Variants in ZNF723 observed in about 807,000 individuals in gnomAD.
ZNF723 encodes zinc finger protein 723, pseudogene.
Under a neutral mutation model 9.4 loss-of-function variants are expected in ZNF723, and 5 were observed. That is an observed-to-expected ratio of 0.53 (90% CI 0.28 to 1.12). ZNF723 has a LOEUF of 1.12. ZNF723 is among the 50% of genes most tolerant of loss of function. The pLI is 0.10. For missense variants in ZNF723, 450 were observed against 501.5 expected, an observed-to-expected ratio of 0.90 and a Z score of 0.98; for synonymous variants, 158 against 168.8, an observed-to-expected ratio of 0.94 and a Z score of 0.49.
chr19:22,823,437 C>T, the ZNF723 span, among the ~76,000 whole-genome samples: 3 of 152,140 alleles, frequency 2.0e-5, no homozygotes, highest in East Asian at 5.8e-4. Context: ...TTCAACACAC[C>T]GGTGAGGCTG....
At chr19:22,831,947 C>A (rs956379026), upstream of ZNF723, among the ~76,000 whole-genome samples, 1 of 152,206 alleles carries the variant, frequency 6.6e-6, no homozygotes, top group Admixed American at 6.5e-5. Context: ...CTTAGGCTGC[C>A]TCTTTAAAGA....
intron 1 of ZNF723, among the ~76,000 whole-genome samples, chr19:22,843,347 T>A (rs957060966): frequency 3.9e-5 from 6 of 152,190 alleles, no homozygotes; most frequent in Non-Finnish European, 7.3e-5. Context: ...AGTGGTTAAT[T>A]CTGCTTCTAT....
the ZNF723 span, among the ~76,000 whole-genome samples, chr19:22,815,458 T>G: frequency 6.6e-6 from 1 of 152,300 alleles, no homozygotes; most frequent in African/African-American, 2.4e-5. Context: ...CTGCCTGTGC[T>G]CTGCTTTCAG....
At chr19:22,831,569 T>A (rs1450473542), upstream of ZNF723, among the ~76,000 whole-genome samples, 2 of 148,114 alleles carry the variant, frequency 1.4e-5, no homozygotes, top group Non-Finnish European at 3.0e-5. Context: ...AAAAAAAAAA[T>A]TAAAATTCAC....
At chr19:22,828,918 A>C (rs912929835), upstream of ZNF723, among the ~76,000 whole-genome samples, 5 of 152,194 alleles carry the variant, frequency 3.3e-5, no homozygotes, top group African/African-American at 1.2e-4. Context: ...CACACCTGTA[A>C]TACTAACACT....
upstream of ZNF723, among the ~76,000 whole-genome samples, chr19:22,831,531 T>C (rs1338532987): frequency 1.3e-5 from 2 of 151,304 alleles, no homozygotes; most frequent in Admixed American, 6.6e-5. Context: ...CACTCCAACC[T>C]GGGCAACAGA....
chr19:22,830,524 TAA>T (rs10713413), upstream of ZNF723, among the ~76,000 whole-genome samples: 134 of 148,412 alleles, frequency 9.0e-4, no homozygotes, highest in African/African-American at 4.4e-4. Context: ...GGCACAAATC[TAA>T]AAAAAAAAAA....
intron 1 of ZNF723, among the ~76,000 whole-genome samples, chr19:22,834,076 C>T (rs967956525): frequency 2.6e-5 from 4 of 151,286 alleles, no homozygotes; most frequent in African/African-American, 7.3e-5. Context: ...CCACCACGCC[C>T]GGCTAATTTT....
upstream of ZNF723, among the ~76,000 whole-genome samples, chr19:22,831,584 G>T (rs939346606): frequency 6.6e-6 from 1 of 150,860 alleles, no homozygotes; most frequent in African/African-American, 2.4e-5. Flanking sequence ...ATTCACATGT[G>T]GCTCACATTT....
the ZNF723 span, among the ~76,000 whole-genome samples, chr19:22,816,860 T>C: frequency 6.6e-6 from 1 of 152,252 alleles, no homozygotes; most frequent in Admixed American, 6.5e-5. Context: ...TTCCTCTGCC[T>C]ACACAAGATA....
At chr19:22,842,259 C>T (rs1335058595) in intron 1 of ZNF723, among the ~76,000 whole-genome samples, 2 of 152,138 alleles carry the variant, frequency 1.3e-5, no homozygotes, top group African/African-American at 4.8e-5. Flanking sequence ...CCCGCCTCGG[C>T]CTTCCAAAGT....
chr19:22,821,008 T>C, the ZNF723 span, among the ~76,000 whole-genome samples: 1 of 152,200 alleles, frequency 6.6e-6, no homozygotes, highest in African/African-American at 2.4e-5. Context: ...ATAGGTAGAA[T>C]GGTAACTCAA....
At position 22,846,351 on chromosome 19, in the gene ZNF723, G is replaced by A. The variant is rs78818987; in HGVS notation, c.4-1910G>A. ...CTTAAACAAGATGACGGCCAGGTGC[G>A]GTGGCTCCCACCTGTAATCCCAGCA... On this transcript the variant is annotated intron_variant, in intron 1 of 3. Coordinates refer to ENST00000600766, the MANE Select transcript of ZNF723 (RefSeq NM_001349726.2). Among the ~76,000 whole-genome samples, 1,244 of 152,238 alleles carry A rather than the reference G, an allele frequency of 8.2e-3. 19 individuals carry two copies. The highest frequency in any genetic ancestry group is 0.029 in the African/African-American group (1,196 of 41,536).
rs952355609 is a variant in ZNF723, at chr19:22,834,250, C to CT, written c.3+1879dup. Reference sequence around the variant, plus strand: ...TTCTTGATAATGTATTTTAATTAATCTTTTTTTTTTTACAGCGCATTGGAT... The same window carrying CT: ...TTCTTGATAATGTATTTTAATTAATCTTTTTTTTTTTTACAGCGCATTGGAT... On this transcript the variant is annotated intron_variant, in intron 1 of 3. Coordinates refer to ENST00000600766, the MANE Select transcript of ZNF723 (RefSeq NM_001349726.2). Among the ~76,000 whole-genome samples, 291 of 146,428 alleles carry CT rather than the reference C, an allele frequency of 2.0e-3. 1 individual carries two copies. The highest frequency in any genetic ancestry group is 2.5e-3 in the Admixed American group (37 of 14,614).
chr19:22,835,035 C>CCCCCCACAGTTT, intron 1 of ZNF723, among the ~76,000 whole-genome samples: 1 of 149,580 alleles, frequency 6.7e-6, no homozygotes, highest in Non-Finnish European at 1.5e-5. Context: ...GACTGAGACA[C>CCCCCCACAGTTT]ATCTGTGTGT....
intron 1 of ZNF723, among the ~76,000 whole-genome samples, chr19:22,843,340 G>C (rs558538347): frequency 6.6e-6 from 1 of 152,180 alleles, no homozygotes; most frequent in South Asian, 2.1e-4. Flanking sequence ...TAACAAAAGT[G>C]GTTAATTCTG....
upstream of ZNF723, among the ~76,000 whole-genome samples, chr19:22,831,274 T>G (rs1441491043): frequency 6.6e-6 from 1 of 151,952 alleles, no homozygotes; most frequent in Non-Finnish European, 1.5e-5. Context: ...AGTTTGGCAA[T>G]GGCCGGGTGC....
At chr19:22,849,113 A>ATTCAT in intron 2 of ZNF723, 85 bp from the exon 3 acceptor site, 1 of 446,862 alleles carries the variant, frequency 2.2e-6, no homozygotes, top group Non-Finnish European at 4.1e-6. Context: ...TGAATATACT[A>ATTCAT]GAATATTCTA....
At chr19:22,849,483 A>G (rs1226002228) in intron 3 of ZNF723, among the ~76,000 whole-genome samples, 190 bp downstream of exon 3, 1 of 152,204 alleles carries the variant, frequency 6.6e-6, no homozygotes, top group Non-Finnish European at 1.5e-5. Context: ...TTTTCTAAGG[A>G]TTCTACTTTC....
Sources: allele counts gnomAD v4.1 joint callset (sites outside exome capture counted in the v4.1 genomes callset), GRCh38; gene constraint gnomAD v4.1.1; transcripts MANE v1.5; gene names NCBI Gene and HGNC (gene_info 2026-07-23, HGNC 2026-07-21).